Variants in MALRD1 observed in about 807,000 individuals in gnomAD.
MALRD1 encodes MAM and LDL-receptor class A domain-containing protein 1.
Under a neutral mutation model 242.1 loss-of-function variants are expected in MALRD1, and 247 were observed. The ratio of observed to expected loss-of-function variants is 1.02; its 90% confidence interval spans 0.92 to 1.13. MALRD1 has a LOEUF of 1.13. Among genes scored for constraint, MALRD1 ranks in the 50% most tolerant of loss-of-function variants. The pLI is 0.00. For missense variants in MALRD1, 2,989 were observed against 2,533.1 expected, an observed-to-expected ratio of 1.18 and a Z score of -3.86; for synonymous variants, 995 against 866.6, an observed-to-expected ratio of 1.15 and a Z score of -2.60.
intron 38 of MALRD1, among the ~76,000 whole-genome samples, chr10:19,699,723 C>T (rs144404173): frequency 2.8e-3 from 432 of 152,144 alleles, no homozygotes; most frequent in African/African-American, 9.6e-3. Flanking sequence ...GAAGGCAAGG[C>T]AGGAGCTTGC....
intron 29 of MALRD1, among the ~76,000 whole-genome samples, chr10:19,484,992 C>T (rs920443647): frequency 6.6e-6 from 1 of 152,136 alleles, no homozygotes; most frequent in Admixed American, 6.5e-5. Context: ...ACTACTCAGC[C>T]ATACAAAATA....
intron 33 of MALRD1, among the ~76,000 whole-genome samples, chr10:19,588,819 T>C (rs1837593339): frequency 6.6e-6 from 1 of 152,126 alleles, no homozygotes; most frequent in Admixed American, 6.6e-5. Context: ...ATTTTTGTAT[T>C]TTTAGTAGAG....
chr10:19,426,904 C>G (rs766307096), intron 28 of MALRD1, among the ~76,000 whole-genome samples: 1 of 152,152 alleles, frequency 6.6e-6, no homozygotes, highest in Non-Finnish European at 1.5e-5. Context: ...GGTCTCATAA[C>G]ACTTTTCTAA....
At chr10:19,394,119 G>A (rs888423029) in intron 28 of MALRD1, among the ~76,000 whole-genome samples, 1 of 152,154 alleles carries the variant, frequency 6.6e-6, no homozygotes, top group African/African-American at 2.4e-5. Context: ...GCCAGAAGTG[G>A]AGAAAAATAA....
chr10:19,716,513 T>C (rs1834397005), intron 38 of MALRD1, among the ~76,000 whole-genome samples: 1 of 152,202 alleles, frequency 6.6e-6, no homozygotes, highest in Admixed American at 6.5e-5. Flanking sequence ...CCACTATGCT[T>C]CCTGTATAGC....
intron 38 of MALRD1, among the ~76,000 whole-genome samples, chr10:19,694,430 C>G (rs1327835593): frequency 6.6e-6 from 1 of 152,186 alleles, no homozygotes; most frequent in Non-Finnish European, 1.5e-5. Flanking sequence ...ACAGACACTT[C>G]TCAAAAGAAG....
intron 26 of MALRD1, among the ~76,000 whole-genome samples, chr10:19,381,015 C>G (rs1196656825): frequency 2.0e-5 from 3 of 148,898 alleles, no homozygotes; most frequent in African/African-American, 7.5e-5. Context: ...CCCACTAAAT[C>G]GTCATCTAGC....
At chr10:19,677,364 G>A (rs1842178357) in intron 36 of MALRD1, among the ~76,000 whole-genome samples, 1 of 152,150 alleles carries the variant, frequency 6.6e-6, no homozygotes, top group Non-Finnish European at 1.5e-5. Flanking sequence ...TCTGACTGCT[G>A]TGAGATGGTA....
At chr10:19,208,530 G>T (rs1836890759) in intron 17 of MALRD1, among the ~76,000 whole-genome samples, 1 of 152,150 alleles carries the variant, frequency 6.6e-6, no homozygotes, top group Non-Finnish European at 1.5e-5. Context: ...TTGTTACCTT[G>T]GCACTGATGC....
At chr10:19,388,925 C>T (rs1846210873) in intron 27 of MALRD1, among the ~76,000 whole-genome samples, 1 of 146,456 alleles carries the variant, frequency 6.8e-6, no homozygotes, top group Non-Finnish European at 1.5e-5. Context: ...GCAGGGAAAG[C>T]AAGACAAAAG....
chr10:19,619,544 TA>T (rs1468714861), intron 36 of MALRD1, among the ~76,000 whole-genome samples: 3 of 152,054 alleles, frequency 2.0e-5, no homozygotes, highest in Non-Finnish European at 4.4e-5. Flanking sequence ...GCTGACTTCT[TA>T]CAAATTACAC....
At chr10:19,544,217 C>T (rs912721920) in intron 32 of MALRD1, among the ~76,000 whole-genome samples, 4 of 151,512 alleles carry the variant, frequency 2.6e-5, no homozygotes, top group African/African-American at 9.7e-5. Flanking sequence ...TAGATGCAGT[C>T]TCGCTCTTGT....
At chr10:19,727,735 G>T (rs1025971735) in intron 38 of MALRD1, among the ~76,000 whole-genome samples, 8 of 150,544 alleles carry the variant, frequency 5.3e-5, no homozygotes, top group Non-Finnish European at 1.2e-4. Context: ...AGAGCTACCG[G>T]CATATTGACA....
intron 26 of MALRD1, among the ~76,000 whole-genome samples, chr10:19,375,063 C>G (rs1455888532): frequency 2.0e-5 from 3 of 151,990 alleles, no homozygotes; most frequent in Non-Finnish European, 4.4e-5. Flanking sequence ...TAGATATAGA[C>G]TGAAAATAAA....
At chr10:19,233,672 A>G (rs1838178903) in intron 18 of MALRD1, among the ~76,000 whole-genome samples, 1 of 152,178 alleles carries the variant, frequency 6.6e-6, no homozygotes. Flanking sequence ...GTTAAGGTGA[A>G]AAATTGATTT....
chr10:19,264,961 G>A (rs762374701), intron 19 of MALRD1, among the ~76,000 whole-genome samples: 10 of 151,844 alleles, frequency 6.6e-5, no homozygotes, highest in African/African-American at 2.2e-4. Flanking sequence ...TTTATTTCTC[G>A]TTGATTCCAT....
At chr10:19,094,399 C>T (rs1321831782) in intron 4 of MALRD1, among the ~76,000 whole-genome samples, 1 of 140,292 alleles carries the variant, frequency 7.1e-6, no homozygotes, top group African/African-American at 2.8e-5. Flanking sequence ...AAAGGGAACT[C>T]CCTGACCCCT....
At chr10:19,197,787 G>T (rs940924363) in intron 14 of MALRD1, among the ~76,000 whole-genome samples, 1 of 151,854 alleles carries the variant, frequency 6.6e-6, no homozygotes, top group Non-Finnish European at 1.5e-5. Flanking sequence ...TATTTATCTT[G>T]TGTTTTTATT....
At chr10:19,374,382 A>G (rs1433390037) in intron 26 of MALRD1, among the ~76,000 whole-genome samples, 1 of 152,220 alleles carries the variant, frequency 6.6e-6, no homozygotes, top group Non-Finnish European at 1.5e-5. Flanking sequence ...TACATGATAA[A>G]TGTTCACATT....
Sources: allele counts gnomAD v4.1 joint callset (sites outside exome capture counted in the v4.1 genomes callset), GRCh38; gene constraint gnomAD v4.1.1; transcripts MANE v1.5; gene names NCBI Gene and HGNC (gene_info 2026-07-23, HGNC 2026-07-21).